The following TARBP1 variants were observed in gnomAD, a reference collection of about 807,000 sequenced individuals.
TARBP1 encodes the protein tRNA guanosine 2 -O-methyltransferase TARBP1.
TARBP1 carries 144 observed loss-of-function variants against 178.6 expected under a neutral mutation model. The observed-to-expected ratio is 0.81, with a 90% CI of 0.70 to 0.93. The LOEUF (loss-of-function observed/expected upper bound fraction) is 0.93. Among genes scored for constraint, TARBP1 ranks in the 40% least tolerant of loss-of-function variants. The pLI, the probability that TARBP1 is intolerant of heterozygous loss-of-function variation, is 0.00. For missense variants in TARBP1, 2,067 were observed against 2,011.7 expected (o/e 1.03, Z -0.53); for synonymous variants, 787 against 781.0 (o/e 1.01, Z -0.13).
At chr1:234,464,938 G>C (rs186583006) in intron 5 of TARBP1, among the ~76,000 whole-genome samples, 2 of 152,312 alleles carry the variant, frequency 1.3e-5, no homozygotes, top group Non-Finnish European at 2.9e-5. Flanking sequence ...CCTATAAGTA[G>C]AGACAGGATG....
chr1:234,408,691 T>G (rs1161391718), intron 23 of TARBP1, among the ~76,000 whole-genome samples: 1 of 151,920 alleles, frequency 6.6e-6, no homozygotes, highest in Non-Finnish European at 1.5e-5. Flanking sequence ...ACACCTCAAT[T>G]CCTTATGATT....
At chr1:234,396,825 AC>A (rs1227656831) in intron 26 of TARBP1, among the ~76,000 whole-genome samples, 4 of 152,036 alleles carry the variant, frequency 2.6e-5, no homozygotes, top group Non-Finnish European at 5.9e-5. Context: ...TCAACAAGTC[AC>A]ATGTGAGTCC....
At position 234,478,989 on chromosome 1, in the gene TARBP1, G is replaced by C. The variant is rs1424528048; in HGVS notation, c.115C>G (p.Leu39Val). The change falls in exon 1 of 30, where the codon CTT becomes GTT. Residue 39 changes from leucine to valine, a missense_variant. By Grantham distance (32) the Leu-to-Val change is conservative (BLOSUM62 1). Transcript: ENST00000040877. ...TCCTCGTCCTCGAGCCGCTGCAGAA[G>C]GAAGCGCAGCGTCTCCACGCGCTCC... ...SAERVETLRF[L>V]LQRLEDEEAR... is the part of the protein sequence containing the mutation. 2.0e-6 allele frequency: 3 copies of C among 1,494,342 alleles called. No homozygotes were observed. The African/African-American group carries it at 4.4e-5, about 22-fold the overall frequency. The allele number at this position is 1,494,342 out of a possible 1,614,324, so 92.6% of individuals were successfully genotyped here. A position where few individuals can be genotyped will look rare whatever the true frequency, so the allele number is the denominator to read the frequency against.
chr1:234,421,585 C>T lies in TARBP1; in HGVS notation c.3445-773G>A, dbSNP rs1572269283. ...TCTGATGCAAACACCACTAAGAAGC[C>T]ACCCCAGTACATGGACAGTGCAAGG... is the stretch of plus-strand genomic sequence containing the variant. On this transcript the variant is annotated intron_variant, in intron 20 of 29. Coordinates refer to ENST00000040877, the MANE Select transcript of TARBP1 (RefSeq NM_005646.4). 2.0e-5 allele frequency among the ~76,000 whole-genome samples: 3 copies of T among 152,200 alleles called. No homozygotes were observed. In the East Asian group the frequency reaches 5.8e-4, roughly 29 times the overall value.
chr1:234,399,063 G>C (rs1456911103), intron 25 of TARBP1, among the ~76,000 whole-genome samples: 2 of 152,210 alleles, frequency 1.3e-5, no homozygotes, highest in African/African-American at 2.4e-5. Context: ...TTCCTCATTT[G>C]TAAGACGAGG....
chr1:234,473,912 GA>G (rs765958429), intron 1 of TARBP1, among the ~76,000 whole-genome samples: 3 of 152,146 alleles, frequency 2.0e-5, no homozygotes, highest in Non-Finnish European at 4.4e-5. Flanking sequence ...ATCTTAAGAA[GA>G]TAGTAGTATT....
chr1:234,463,583 C>T (rs969365184), intron 6 of TARBP1, among the ~76,000 whole-genome samples: 7 of 152,124 alleles, frequency 4.6e-5, no homozygotes, highest in Non-Finnish European at 8.8e-5. Context: ...GAAACGATGG[C>T]TAAACTGCAG....
In TARBP1 at chr1:234,478,305, TC is replaced by T; in HGVS notation, c.798del (p.Trp266Ter). On this transcript the variant is annotated frameshift_variant, in exon 1 of 30. Transcript: ENST00000040877. LOFTEE classifies it high-confidence loss of function. ...TGGCCCAGCCCCGCCTGCACCGTCC[TC>T]CAGAAGCGCCAGCAGCGCCGGGCGT... ...GPDARRCWRF[W>X]RTVQAGLGQA... The T allele has an allele frequency of 6.6e-7, 1 of 1,505,622 alleles. No homozygotes were observed. The allele number at this position is 1,505,622 out of a possible 1,614,324, so 93.3% of individuals were successfully genotyped here.
At chr1:234,418,455 A>G (rs1169245601) in intron 21 of TARBP1, among the ~76,000 whole-genome samples, 1 of 152,226 alleles carries the variant, frequency 6.6e-6, no homozygotes. Context: ...ATCTATAAGG[A>G]AGGTTATCCA....
intron 23 of TARBP1, 44 bp from the exon 24 acceptor site, chr1:234,406,143 CA>C (rs1271046958): frequency 6.4e-7 from 1 of 1,565,606 alleles, no homozygotes; most frequent in Non-Finnish European, 8.8e-7. Flanking sequence ...AGACATGGAC[CA>C]TTTTACTCTC....
At chr1:234,427,435 A>G (rs1431499421) in intron 18 of TARBP1, 47 bp from the exon 19 acceptor site, 2 of 1,515,032 alleles carry the variant, frequency 1.3e-6, no homozygotes, top group Non-Finnish European at 1.8e-6. Flanking sequence ...TTTAAATAGA[A>G]AAAAAATTAA....
At chr1:234,456,748 T>C (rs761988148) in intron 9 of TARBP1, among the ~76,000 whole-genome samples, 1 of 152,172 alleles carries the variant, frequency 6.6e-6, no homozygotes, top group Non-Finnish European at 1.5e-5. Context: ...CGTATATTCA[T>C]AGGGAAAAAG....
chr1:234,435,354 G>A (rs1005918307), intron 13 of TARBP1, among the ~76,000 whole-genome samples: 21 of 150,848 alleles, frequency 1.4e-4, no homozygotes, highest in South Asian at 1.1e-3. Flanking sequence ...GCGCGGTGGC[G>A]CACGCCTGTA....
At chr1:234,456,128 A>G (rs957560656) in intron 9 of TARBP1, among the ~76,000 whole-genome samples, 1 of 152,244 alleles carries the variant, frequency 6.6e-6, no homozygotes, top group Admixed American at 6.5e-5. Flanking sequence ...TTATTGAAAT[A>G]CAGCAAATTC....
At chr1:234,437,492 T>C (rs775633735) in intron 12 of TARBP1, 120 bp from the exon 13 acceptor site, 7 of 529,184 alleles carry the variant, frequency 1.3e-5, no homozygotes, top group Admixed American at 3.3e-5. Context: ...CAAAAATAAA[T>C]TGCAATAATA....
intron 12 of TARBP1, among the ~76,000 whole-genome samples, chr1:234,445,888 G>T (rs1418108318): frequency 6.6e-6 from 1 of 151,746 alleles, no homozygotes; most frequent in Non-Finnish European, 1.5e-5. Context: ...TTTTTCAAGA[G>T]CACATGTGAC....
At position 234,410,529 on chromosome 1, in the gene TARBP1, A is replaced by G. The variant is rs756063328; in HGVS notation, c.3708T>C (p.Gly1236=). Residue 1236 remains glycine (G), a splice_region_variant and synonymous_variant, in exon 23 of 30, where the codon GGT becomes GGC. Transcript: ENST00000040877. The part of the protein sequence containing the change: ...LPKFWDCFSY[G]EENLKTSICT... ...AAATGCTTGTTTTAAGATTTTCTTC[A>G]CCCTGAAAAAATAATCAGATAAACA... The G allele has an allele frequency of 1.3e-6, 2 of 1,500,584 alleles. No individual in the cohort carries two copies. The highest frequency in any genetic ancestry group is 1.9e-5 in the Admixed American group (1 of 53,416). The allele number at this position is 1,500,584 out of a possible 1,614,324, so 93.0% of individuals were successfully genotyped here.
intron 2 of TARBP1, 122 bp from the exon 3 acceptor site, chr1:234,471,379 C>G (rs1305389287): frequency 3.0e-6 from 2 of 659,556 alleles, no homozygotes; most frequent in Non-Finnish European, 5.3e-6. Context: ...TAGAAAGAGC[C>G]TGATTTATCC....
At chr1:234,449,730 T>C (rs929135745) in intron 10 of TARBP1, among the ~76,000 whole-genome samples, 1 of 152,280 alleles carries the variant, frequency 6.6e-6, no homozygotes, top group Middle Eastern at 3.4e-3. Context: ...AATCAGGAGA[T>C]GAAAATGACT....
Sources: gnomAD v4.1 joint callset for allele counts (sites outside exome capture counted in the v4.1 genomes callset) on GRCh38, gnomAD v4.1.1 for gene constraint, MANE v1.5 for transcripts, NCBI Gene and HGNC (gene_info 2026-07-23, HGNC 2026-07-21) for gene names.